CTNNA2: variants seen among roughly 807,000 people sequenced by gnomAD.
CTNNA2 encodes the protein catenin alpha 2.
CTNNA2 carries 42 observed loss-of-function variants against 101.0 expected under a neutral mutation model. That is an observed-to-expected ratio of 0.42 (90% confidence interval 0.32 to 0.54). The LOEUF (loss-of-function observed/expected upper bound fraction) is 0.54, where lower values mean the gene tolerates loss of function less well. CTNNA2 is among the 20% of genes least tolerant of loss of function. The probability of loss-of-function intolerance (pLI) is 0.14; values close to 1 mark genes in which losing one functional copy is unlikely to be tolerated. For missense variants in CTNNA2, 871 were observed against 1,223.1 expected (o/e 0.71, Z 4.29); for synonymous variants, 450 against 456.4 (o/e 0.99, Z 0.18).
In CTNNA2 at chr2:79,533,961, G is replaced by C. The variant is rs538194755; in HGVS notation, c.-6+20754G>C. On this transcript the variant is annotated intron_variant, in intron 1 of 18. Coordinates refer to ENST00000402739, the MANE Select transcript of CTNNA2 (RefSeq NM_001282597.3). The stretch of plus-strand genomic sequence containing the variant: ...AACTGGCATCCTGCAGAATCCACCA[G>C]AGGAAATACTGATCTGAGCCTTTAT... Among the ~76,000 whole-genome samples the C allele has an allele frequency of 3.0e-4, 45 of 152,030 alleles. 1 individual carries two copies. The highest frequency in any genetic ancestry group is 1.3e-4 in the Admixed American group (2 of 15,074).
At chr2:79,795,222 CT>C (rs1675605098) in intron 3 of CTNNA2, among the ~76,000 whole-genome samples, 1 of 152,016 alleles carries the variant, frequency 6.6e-6, no homozygotes, top group East Asian at 1.9e-4. Flanking sequence ...ACTATGATAT[CT>C]TTTTATATAA....
intron 18 of CTNNA2, among the ~76,000 whole-genome samples, chr2:80,635,490 A>C (rs1270248728): frequency 6.6e-6 from 1 of 152,164 alleles, no homozygotes; most frequent in African/African-American, 2.4e-5. Context: ...TTTTAGGTTA[A>C]TGTAGTGAAT....
chr2:79,941,164 C>G (rs1688134967), intron 7 of CTNNA2, among the ~76,000 whole-genome samples: 1 of 152,208 alleles, frequency 6.6e-6, no homozygotes, highest in Admixed American at 6.5e-5. Context: ...TCTTTTGCAC[C>G]ATTATTGAAA....
chr2:79,275,321 G>T (rs1329503998), intron 2 of CTNNA2, among the ~76,000 whole-genome samples: 1 of 151,960 alleles, frequency 6.6e-6, no homozygotes, highest in African/African-American at 2.4e-5. Flanking sequence ...AGATGGGGTG[G>T]ACTGATACGG....
intron 2 of CTNNA2, among the ~76,000 whole-genome samples, chr2:79,280,801 C>T (rs2104333830): frequency 6.6e-6 from 1 of 152,054 alleles, no homozygotes; most frequent in East Asian, 1.9e-4. Flanking sequence ...CATGCTGTGA[C>T]TGCACACCTG....
intron 7 of CTNNA2, among the ~76,000 whole-genome samples, chr2:80,050,874 G>A (rs1377979896): frequency 6.6e-6 from 1 of 151,988 alleles, no homozygotes; most frequent in East Asian, 1.9e-4. Context: ...TACCACCAAA[G>A]CAAACTAATT....
chr2:79,328,464 A>T (rs1676797606), intron 3 of CTNNA2, among the ~76,000 whole-genome samples: 2 of 152,170 alleles, frequency 1.3e-5, no homozygotes, highest in South Asian at 4.1e-4. Flanking sequence ...GAATTTGGGG[A>T]TCATATATCT....
At chr2:80,596,668 C>T (rs1366969440) in intron 15 of CTNNA2, among the ~76,000 whole-genome samples, 1 of 151,988 alleles carries the variant, frequency 6.6e-6, no homozygotes. Flanking sequence ...GACAATTTGA[C>T]TTCTTTTCTT....
At chr2:80,311,996 G>T (rs78753100) in intron 7 of CTNNA2, among the ~76,000 whole-genome samples, 3 of 152,146 alleles carry the variant, frequency 2.0e-5, no homozygotes, top group Admixed American at 1.3e-4. Context: ...AATTATGGGG[G>T]ATACCTAGAC....
intron 8 of CTNNA2, among the ~76,000 whole-genome samples, chr2:80,404,749 T>G (rs535854233): frequency 1.3e-5 from 2 of 152,328 alleles, no homozygotes; most frequent in East Asian, 3.9e-4. Context: ...AGATGCCTTT[T>G]GTTTACCTCA....
chr2:79,333,134 A>G (rs1676913369), intron 3 of CTNNA2, among the ~76,000 whole-genome samples: 1 of 152,208 alleles, frequency 6.6e-6, no homozygotes, highest in Non-Finnish European at 1.5e-5. Flanking sequence ...AAGTTGTTAT[A>G]CAGGGAGCAA....
At chr2:79,407,070 G>T (rs1212821061) in intron 4 of CTNNA2, among the ~76,000 whole-genome samples, 1 of 151,916 alleles carries the variant, frequency 6.6e-6, no homozygotes, top group African/African-American at 2.4e-5. Flanking sequence ...TTCAACCCTG[G>T]ACTCATTTAT....
intron 4 of CTNNA2, among the ~76,000 whole-genome samples, chr2:79,460,111 T>C (rs1217175926): frequency 2.0e-5 from 3 of 152,142 alleles, no homozygotes; most frequent in Admixed American, 6.5e-5. Flanking sequence ...TTTAATTCTC[T>C]CTCTAAAATT....
At chr2:79,841,625 A>C (rs1369168093) in intron 3 of CTNNA2, among the ~76,000 whole-genome samples, 1 of 152,242 alleles carries the variant, frequency 6.6e-6, no homozygotes, top group Non-Finnish European at 1.5e-5. Flanking sequence ...TAGATGATGA[A>C]TAATTTCTCA....
chr2:80,003,779 G>A (rs1324598704), intron 7 of CTNNA2, among the ~76,000 whole-genome samples: 1 of 152,130 alleles, frequency 6.6e-6, no homozygotes, highest in East Asian at 1.9e-4. Flanking sequence ...TTTCTTATGA[G>A]TAAAACAGAG....
At chr2:80,096,214 C>T (rs1163399487) in intron 7 of CTNNA2, among the ~76,000 whole-genome samples, 4 of 152,118 alleles carry the variant, frequency 2.6e-5, no homozygotes, top group Non-Finnish European at 4.4e-5. Flanking sequence ...TCTTTGTTCT[C>T]ATTGGTTTCA....
At chr2:80,190,222 G>T (rs1706404519) in intron 7 of CTNNA2, among the ~76,000 whole-genome samples, 1 of 151,938 alleles carries the variant, frequency 6.6e-6, no homozygotes, top group African/African-American at 2.4e-5. Context: ...TGTGACATGG[G>T]GTTTTACTAG....
At chr2:79,878,393 C>T (rs555337725) in intron 6 of CTNNA2, among the ~76,000 whole-genome samples, 2 of 152,330 alleles carry the variant, frequency 1.3e-5, no homozygotes, top group African/African-American at 4.8e-5. Context: ...AATTGCCATA[C>T]TGTCTTCCAC....
intron 4 of CTNNA2, among the ~76,000 whole-genome samples, chr2:79,404,309 C>G (rs1678319533): frequency 6.6e-6 from 1 of 151,916 alleles, no homozygotes; most frequent in South Asian, 2.1e-4. Flanking sequence ...GACAGCAGAT[C>G]TACTGTTTTT....
Sources: gnomAD v4.1 joint callset for allele counts (sites outside exome capture counted in the v4.1 genomes callset) on GRCh38, gnomAD v4.1.1 for gene constraint, MANE v1.5 for transcripts, NCBI Gene and HGNC (gene_info 2026-07-23, HGNC 2026-07-21) for gene names.